MGST1: variants seen among roughly 807,000 people sequenced by gnomAD.
MGST1 encodes microsomal glutathione S-transferase 1.
In MGST1, 5 loss-of-function variants were observed where a neutral mutation model predicts 8.9. That is an observed-to-expected ratio of 0.56 (90% CI 0.29 to 1.19). MGST1 has a LOEUF of 1.19. Among genes scored for constraint, MGST1 ranks in the 50% most tolerant of loss-of-function variants. MGST1 has a pLI of 0.08. For synonymous variants in MGST1, 54 were observed against 67.8 expected (o/e 0.80, Z 1.00); for missense variants, 182 against 187.4 (o/e 0.97, Z 0.17).
chr12:16,528,714 C>T (rs1361758752), intron 4 of MGST1, among the ~76,000 whole-genome samples: 1 of 151,962 alleles, frequency 6.6e-6, no homozygotes. Context: ...ATAGTGAGGC[C>T]TATTATGTGA....
At position 16,586,658 on chromosome 12, in the gene MGST1, C is replaced by A; in HGVS notation, n.483-2870C>A. ...CCTGTCCTAGGATGTGGCAATAAGG[C>A]TATACCGTCGGGGTAGAGATTTCAA... On this transcript the variant is annotated intron_variant and non_coding_transcript_variant, in intron 4 of 4. Transcript: ENST00000538857. This position sits in a 1 kb window ranked among gnomAD's most constrained non-coding sequence, Gnocchi z 4.3. 6.6e-6 allele frequency among the ~76,000 whole-genome samples: 1 copy of A among 152,180 alleles called. No individual in the cohort carries two copies. The highest frequency in any genetic ancestry group is 1.5e-5 in the Non-Finnish European group (1 of 68,030).
At chr12:16,358,573 T>C (rs757505225) in intron 3 of MGST1, among the ~76,000 whole-genome samples, 3 of 151,792 alleles carry the variant, frequency 2.0e-5, no homozygotes, top group Non-Finnish European at 4.4e-5. Context: ...TTCAAACCAT[T>C]CTCCTGCCTC....
intron 4 of MGST1, among the ~76,000 whole-genome samples, chr12:16,508,931 G>T (rs1350403683): frequency 6.6e-6 from 1 of 152,158 alleles, no homozygotes; most frequent in Non-Finnish European, 1.5e-5. Flanking sequence ...TGGTTAGGGG[G>T]TATTTTGGAC....
At chr12:16,360,574 C>G in intron 3 of MGST1, 1 of 159,660 alleles carries the variant, frequency 6.3e-6, no homozygotes, top group Non-Finnish European at 1.3e-5. Context: ...CTTAGCTTGT[C>G]TAGGAAGCAT....
intron 1 of MGST1, among the ~76,000 whole-genome samples, chr12:16,397,794 A>G (rs1251721528): frequency 7.7e-6 from 1 of 130,216 alleles, no homozygotes; most frequent in African/African-American, 2.7e-5. Context: ...TTTTTTTGGT[A>G]TTGCTGTATA....
intron 1 of MGST1, among the ~76,000 whole-genome samples, chr12:16,404,969 T>G (rs1940687353): frequency 6.6e-6 from 1 of 152,170 alleles, no homozygotes; most frequent in Admixed American, 6.5e-5. Context: ...ATCAAGAAGT[T>G]TTTTGTAACT....
Position 16,500,164 on chromosome 12 carries a change from T to C in MGST1, n.483-89364T>C, listed in dbSNP as rs973977183. ...CTTTTTTCCAAATCGAGTGTTTACT[T>C]TTCTTCTATCTTAAGACTGTACTTT... On this transcript the variant is annotated intron_variant and non_coding_transcript_variant, in intron 4 of 4. Coordinates refer to the MGST1 transcript ENST00000538857. The surrounding 1 kb of genome is among the most constrained non-coding windows in gnomAD (Gnocchi z 4.3). Among the ~76,000 whole-genome samples, 3 of 152,232 alleles carry C rather than the reference T, an allele frequency of 2.0e-5. No homozygotes were observed. The highest frequency in any genetic ancestry group is 4.4e-5 in the Non-Finnish European group (3 of 68,040).
chr12:16,570,710 A>T (rs1023281168), intron 4 of MGST1, among the ~76,000 whole-genome samples: 2 of 152,092 alleles, frequency 1.3e-5, no homozygotes, highest in Non-Finnish European at 2.9e-5. Context: ...GCAATGCAAA[A>T]CTCACTTGTT....
intron 4 of MGST1, among the ~76,000 whole-genome samples, chr12:16,494,427 T>A (rs763146766): frequency 7.9e-5 from 12 of 152,212 alleles, no homozygotes; most frequent in Non-Finnish European, 1.8e-4. Context: ...GTACACTTTG[T>A]GTATTTCATA....
At chr12:16,510,231 G>A (rs1200556559) in intron 4 of MGST1, among the ~76,000 whole-genome samples, 2 of 152,022 alleles carry the variant, frequency 1.3e-5, no homozygotes, top group Non-Finnish European at 2.9e-5. Flanking sequence ...CAGGAGATAT[G>A]ACCTTATTTA....
chr12:16,438,741 T>G (rs369913545), exon 2 of MGST1: 1 of 151,904 alleles, frequency 6.6e-6, no homozygotes. Flanking sequence ...ATAAACTCGA[T>G]TTTTGTGGGT....
At chr12:16,419,988 C>G (rs981844539) in intron 1 of MGST1, among the ~76,000 whole-genome samples, 1 of 152,084 alleles carries the variant, frequency 6.6e-6, no homozygotes, top group African/African-American at 2.4e-5. Flanking sequence ...GGTGAAAAAC[C>G]AAAGTATATA....
At chr12:16,543,296 T>C (rs1020936233) in intron 4 of MGST1, among the ~76,000 whole-genome samples, 1 of 152,170 alleles carries the variant, frequency 6.6e-6, no homozygotes, top group Non-Finnish European at 1.5e-5. Context: ...CAAATTTTTT[T>C]TGAGACCAAA....
At chr12:16,448,551 A>G (rs1283018285) in intron 4 of MGST1, among the ~76,000 whole-genome samples, 1 of 151,894 alleles carries the variant, frequency 6.6e-6, no homozygotes. Context: ...GGGCAAAAAT[A>G]TGGTTGAAAG....
In MGST1 at chr12:16,401,352, A is replaced by G. The variant is rs1940654293; in HGVS notation, n.778+17748A>G. 6 of 1,262,390 alleles carry G rather than the reference A, an allele frequency of 4.8e-6. No homozygotes were observed. The highest frequency in any genetic ancestry group is 1.7e-5 in the Admixed American group (1 of 59,370). The allele number at this position is 1,262,390 out of a possible 1,614,324, so 78.2% of individuals were successfully genotyped here. A position where few individuals can be genotyped will look rare whatever the true frequency, so the allele number is the denominator to read the frequency against. On this transcript the variant is annotated intron_variant and non_coding_transcript_variant, in intron 1 of 1. Transcript: ENST00000359720. This position sits in a 1 kb window ranked among gnomAD's most constrained non-coding sequence, Gnocchi z 4.3. ...TACTATTGATTACTAGGAAGCTTTC[A>G]TGGAATTCAATTCCCACCCCAAATC...
chr12:16,583,520 G>C (rs993212138), intron 4 of MGST1, among the ~76,000 whole-genome samples: 12 of 152,136 alleles, frequency 7.9e-5, no homozygotes, highest in Admixed American at 7.9e-4. Flanking sequence ...TGGAGCCAAG[G>C]ACATAAAATT....
chr12:16,547,673 T>A lies in MGST1; in HGVS notation n.483-41855T>A, dbSNP rs1565473220. Among the ~76,000 whole-genome samples, 1 of 152,186 alleles carries A rather than the reference T, an allele frequency of 6.6e-6. No individual in the cohort carries two copies. ...TAATGACTATTAAATCTCTGCTTTCTATTACCTTAAATTACATTAAAACCA... is the reference window on the plus strand; with the variant it reads ...TAATGACTATTAAATCTCTGCTTTCAATTACCTTAAATTACATTAAAACCA... On this transcript the variant is annotated intron_variant and non_coding_transcript_variant, in intron 4 of 4. Coordinates refer to the MGST1 transcript ENST00000538857. This position sits in a 1 kb window ranked among gnomAD's most constrained non-coding sequence, Gnocchi z 4.6.
intron 4 of MGST1, among the ~76,000 whole-genome samples, chr12:16,564,226 G>T (rs1942508941): frequency 6.6e-6 from 1 of 152,136 alleles, no homozygotes; most frequent in South Asian, 2.1e-4. Flanking sequence ...CGGCCTACCT[G>T]TATGCTGTAT....
intron 4 of MGST1, among the ~76,000 whole-genome samples, chr12:16,579,391 T>G (rs1223546599): frequency 1.3e-5 from 2 of 152,184 alleles, no homozygotes; most frequent in South Asian, 4.1e-4. Flanking sequence ...ATGCCACTGA[T>G]GAGAAACAAT....
Sources: allele counts gnomAD v4.1 joint callset (sites outside exome capture counted in the v4.1 genomes callset), GRCh38; gene constraint gnomAD v4.1.1; non-coding constraint Gnocchi (gnomAD v3.1); transcripts MANE v1.5; gene names NCBI Gene and HGNC (gene_info 2026-07-23, HGNC 2026-07-21).